Variants in ORC5 observed in about 807,000 individuals in gnomAD.
The protein encoded by ORC5 is origin recognition complex subunit 5, also known as protein phosphatase 1, regulatory subunit 117.
In ORC5, 39 loss-of-function variants were observed where a neutral mutation model predicts 58.8. The observed-to-expected ratio is 0.66, with a 90% confidence interval of 0.51 to 0.87. ORC5 has a LOEUF of 0.87. Ranked by LOEUF, ORC5 falls within the 40% of genes least tolerant of loss-of-function variation. ORC5 has a pLI of 0.00. For missense variants in ORC5, 493 were observed against 506.3 expected (o/e 0.97, Z 0.25); for synonymous variants, 218 against 177.6 (o/e 1.23, Z -1.81).
In ORC5 at chr7:104,188,335, T is replaced by A; in HGVS notation, c.600A>T (p.Ser200=). The A allele has an allele frequency of 6.2e-7, 1 of 1,611,442 alleles. No homozygotes were observed. Among genetic ancestry groups the A allele is most frequent in the South Asian group, 1.1e-5 (1 of 91,012 alleles). ...ILSHDHPPEY[S]ADFYAAYINI... The stretch of plus-strand genomic sequence containing the variant: ...TAATGTAGGCAGCATAGAAATCAGC[T>A]GAATACTCTGGAGGATGATCATGGG... Residue 200 remains serine, a synonymous_variant, in exon 6 of 14, where the codon TCA becomes TCT. Transcript: ENST00000297431.
intron 12 of ORC5, among the ~76,000 whole-genome samples, chr7:104,155,701 A>T (rs1798915064): frequency 6.6e-6 from 1 of 151,632 alleles, no homozygotes; most frequent in East Asian, 1.9e-4. Context: ...GGAAAAAAAT[A>T]AAGCAATATG....
chr7:104,168,668 T>C (rs1799150769), intron 8 of ORC5, 143 bp from the exon 9 acceptor site: 2 of 482,696 alleles, frequency 4.1e-6, no homozygotes, highest in Non-Finnish European at 7.3e-6. Context: ...ATAAACATGT[T>C]TGTACCTGTA....
chr7:104,141,024 T>G (rs1259411354), intron 12 of ORC5, among the ~76,000 whole-genome samples: 1 of 152,194 alleles, frequency 6.6e-6, no homozygotes, highest in Admixed American at 6.5e-5. Context: ...GAAACTCACC[T>G]GACTAGGAAT....
Position 104,145,283 on chromosome 7 carries a change from A to AAAAGAGATACAC in ORC5, c.1150-8402_1150-8391dup, listed in dbSNP as rs566622493. Among the ~76,000 whole-genome samples, 4 of 152,292 alleles carry AAAAGAGATACAC rather than the reference A, an allele frequency of 2.6e-5. No homozygotes were observed. The South Asian group carries it at 8.3e-4, about 32-fold the overall frequency. On this transcript the variant is annotated intron_variant, in intron 12 of 13. Coordinates refer to ENST00000297431, the MANE Select transcript of ORC5 (RefSeq NM_002553.4). Reference sequence around the variant, plus strand: ...TCAGTGACACATCTGTGACTTAGAGAAAAGAGATACACAACAGTCATTCCT... The same window carrying AAAAGAGATACAC: ...TCAGTGACACATCTGTGACTTAGAGAAAAGAGATACACAAAGAGATACACAACAGTCATTCCT...
Position 104,200,953 on chromosome 7 carries a change from T to C in ORC5, c.171A>G (p.Pro57=). The change falls in exon 3 of 14, where the codon CCA becomes CCG. Residue 57 remains proline, a synonymous_variant. Coordinates refer to ENST00000297431, the MANE Select transcript of ORC5 (RefSeq NM_002553.4). ...ATTCAACACAATTCACAAACACATG[T>C]GGGAGCTGAAAACGAAAACCAAAAC... ...TQTLLKTLEL[P]HVFVNCVECF... 1 of 1,612,184 alleles carries C rather than the reference T, an allele frequency of 6.2e-7. No individual in the cohort carries two copies. The highest frequency in any genetic ancestry group is 8.5e-7 in the Non-Finnish European group (1 of 1,178,894).
intron 12 of ORC5, among the ~76,000 whole-genome samples, chr7:104,149,119 T>C (rs1316093837): frequency 2.6e-5 from 4 of 151,994 alleles, no homozygotes; most frequent in South Asian, 2.1e-4. Context: ...TTGAAGATGG[T>C]ATCCCAAAGC....
chr7:104,137,286 A>T (rs74742358), intron 12 of ORC5, among the ~76,000 whole-genome samples: 1,699 of 150,104 alleles, frequency 0.011, 31 homozygotes, highest in African/African-American at 0.038. Context: ...AAAAAAAACA[A>T]TTTTTTATTG....
intron 3 of ORC5, among the ~76,000 whole-genome samples, chr7:104,199,529 T>C (rs565927835): frequency 5.9e-5 from 9 of 152,368 alleles, no homozygotes; most frequent in African/African-American, 1.9e-4. Flanking sequence ...CCTTATTGGA[T>C]TGCAGACTTT....
chr7:104,142,790 G>T (rs940884341), intron 12 of ORC5, among the ~76,000 whole-genome samples: 1 of 152,122 alleles, frequency 6.6e-6, no homozygotes, highest in African/African-American at 2.4e-5. Flanking sequence ...CCCTGAGCTC[G>T]TATCTCTTAA....
At chr7:104,178,958 A>C (rs1425759945) in intron 8 of ORC5, among the ~76,000 whole-genome samples, 2 of 152,168 alleles carry the variant, frequency 1.3e-5, no homozygotes, top group Admixed American at 6.5e-5. Flanking sequence ...ATTTTGTCAA[A>C]ATTCTGAAGG....
intron 3 of ORC5, among the ~76,000 whole-genome samples, chr7:104,198,030 TA>T (rs1411688038): frequency 6.6e-6 from 1 of 152,186 alleles, no homozygotes; most frequent in Non-Finnish European, 1.5e-5. Flanking sequence ...GGCTTTATTA[TA>T]AAAGGGACTT....
At chr7:104,130,246 C>T (rs958086811) in intron 13 of ORC5, among the ~76,000 whole-genome samples, 1 of 152,054 alleles carries the variant, frequency 6.6e-6, no homozygotes, top group Non-Finnish European at 1.5e-5. Context: ...CTGCCTTCTC[C>T]CATACTCTAT....
chr7:104,166,449 C>T (rs1434163667), intron 10 of ORC5, among the ~76,000 whole-genome samples: 1 of 152,194 alleles, frequency 6.6e-6, no homozygotes, highest in African/African-American at 2.4e-5. Flanking sequence ...TAATTATTCA[C>T]TACAGTGAGT....
At chr7:104,131,911 T>G (rs1798518373) in intron 13 of ORC5, among the ~76,000 whole-genome samples, 3 of 149,056 alleles carry the variant, frequency 2.0e-5, no homozygotes, top group South Asian at 2.1e-4. Context: ...TTATAGCAAA[T>G]AAATAAGTAA....
chr7:104,200,149 C>G (rs764630574), intron 3 of ORC5, among the ~76,000 whole-genome samples: 9 of 152,194 alleles, frequency 5.9e-5, no homozygotes, highest in Admixed American at 6.5e-5. Flanking sequence ...TAGTTCTTAT[C>G]CAATTCCAAA....
Position 104,136,884 on chromosome 7 carries a change from G to A in ORC5, c.1159C>T (p.Leu387=), listed in dbSNP as rs1336660713. ...AGGGTTAACAGCTGAAGGGTCACTA[G>A]AGAGGTAATCTAAAAGAGAACATTT... ...TANIFSQITS[L]VTLQLLTLVG... The change falls in exon 13 of 14, where the codon CTA becomes TTA. Residue 387 remains leucine, a synonymous_variant. Transcript: ENST00000297431. This position sits in a 1 kb window ranked among gnomAD's most constrained non-coding sequence, Gnocchi z 4.2. The A allele has an allele frequency of 1.2e-6, 2 of 1,610,840 alleles. No homozygotes were observed. The highest frequency in any genetic ancestry group is 1.7e-5 in the Admixed American group (1 of 60,008).
chr7:104,188,378 T>G lies in ORC5; in HGVS notation c.557A>C (p.Asn186Thr). 1 of 1,607,604 alleles carries G rather than the reference T, an allele frequency of 6.2e-7. No individual in the cohort carries two copies. The highest frequency in any genetic ancestry group is 1.1e-5 in the South Asian group (1 of 90,576). ...ATCATGGGACAGGATCTTTTGAAGG[T>G]TGCCTGTTCACAGGACACAAAATAA... Reference protein sequence around the residue: ...VLYFPDYSIGNLQKILSHDHP... With the variant: ...VLYFPDYSIGTLQKILSHDHP... The change falls in exon 6 of 14, where the codon AAC becomes ACC. Residue 186 changes from asparagine to threonine, a missense_variant. This residue lies in a region of ORC5 where 412 missense variants were observed against 403.7 expected (regional missense o/e 1.02). Coordinates refer to ENST00000297431, the MANE Select transcript of ORC5 (RefSeq NM_002553.4).
At chr7:104,156,753 C>T (rs1174721240) in intron 12 of ORC5, among the ~76,000 whole-genome samples, 1 of 151,710 alleles carries the variant, frequency 6.6e-6, no homozygotes, top group African/African-American at 2.4e-5. Flanking sequence ...AGCAATTTAC[C>T]TCCAGGTACG....
chr7:104,176,325 G>C (rs1048491098), intron 8 of ORC5, among the ~76,000 whole-genome samples: 1 of 152,134 alleles, frequency 6.6e-6, no homozygotes, highest in Admixed American at 6.5e-5. Context: ...AAATAAGCTA[G>C]TTATCTGGGA....
Sources: gnomAD v4.1 joint callset for allele counts (sites outside exome capture counted in the v4.1 genomes callset) on GRCh38, gnomAD v4.1.1 for gene constraint, gnomAD v4.1.1 regional missense constraint, Gnocchi (gnomAD v3.1) non-coding constraint, MANE v1.5 for transcripts, NCBI Gene and HGNC (gene_info 2026-07-23, HGNC 2026-07-21) for gene names.